Variants in JAKMIP2 observed in about 807,000 individuals in gnomAD.
The protein encoded by JAKMIP2 is janus kinase and microtubule-interacting protein 2.
JAKMIP2 carries 25 observed loss-of-function variants against 115.0 expected under a neutral mutation model. The ratio of observed to expected loss-of-function variants is 0.22; its 90% CI spans 0.16 to 0.30. JAKMIP2 has a LOEUF of 0.30. Among genes scored for constraint, JAKMIP2 ranks in the 10% least tolerant of loss-of-function variants. JAKMIP2 has a pLI of 1.00. For synonymous variants in JAKMIP2, 334 were observed against 343.6 expected, an observed-to-expected ratio of 0.97 and a Z score of 0.31; for missense variants, 642 against 957.6, an observed-to-expected ratio of 0.67 and a Z score of 4.35.
intron 2 of JAKMIP2, among the ~76,000 whole-genome samples, chr5:147,662,161 T>TACACACACAC (rs61492351): frequency 0.062 from 9,160 of 147,002 alleles, 939 homozygotes; most frequent in African/African-American, 0.21. Flanking sequence ...CCCCAAGTTT[T>TACACACACAC]ACACACACAC....
intron 2 of JAKMIP2, among the ~76,000 whole-genome samples, chr5:147,663,901 A>T (rs1012367610): frequency 6.6e-6 from 1 of 152,074 alleles, no homozygotes; most frequent in African/African-American, 2.4e-5. Context: ...TGCTTGTCCT[A>T]TGTGGCATCC....
chr5:147,653,613 C>T (rs1758523067), intron 3 of JAKMIP2, among the ~76,000 whole-genome samples: 1 of 151,734 alleles, frequency 6.6e-6, no homozygotes, highest in African/African-American at 2.4e-5. Flanking sequence ...GGATATTACA[C>T]CTTTGTCAGA....
intron 20 of JAKMIP2, among the ~76,000 whole-genome samples, chr5:147,604,487 T>C (rs1193125159): frequency 6.6e-6 from 1 of 152,132 alleles, no homozygotes; most frequent in African/African-American, 2.4e-5. Context: ...AGACCCACCC[T>C]ATATAAAAAT....
At chr5:147,750,334 G>A (rs890766696) in intron 1 of JAKMIP2, among the ~76,000 whole-genome samples, 1 of 152,052 alleles carries the variant, frequency 6.6e-6, no homozygotes, top group Non-Finnish European at 1.5e-5. Flanking sequence ...CTCATATGAC[G>A]CCTTTGTGTT....
intron 1 of JAKMIP2, among the ~76,000 whole-genome samples, chr5:147,689,529 G>C (rs949007494): frequency 6.6e-6 from 1 of 152,212 alleles, no homozygotes; most frequent in Non-Finnish European, 1.5e-5. Context: ...GATGCAAGCT[G>C]ATGGTAATCC....
Position 147,612,391 on chromosome 5 carries a change from G to A in JAKMIP2, c.2347-20C>T, listed in dbSNP as rs780439520. 3.4e-6 allele frequency: 5 copies of A among 1,469,296 alleles called. No homozygotes were observed. The East Asian group carries it at 1.1e-4, about 33-fold the overall frequency. The allele number at this position is 1,469,296 out of a possible 1,614,324, so 91.0% of individuals were successfully genotyped here. A position where few individuals can be genotyped will look rare whatever the true frequency, so the allele number is the denominator to read the frequency against. On this transcript the variant is annotated intron_variant, in intron 19 of 21. Transcript: ENST00000616793. ...AATTCTCTGAAGAAAGAAAAGAAAAGAAAGAAAGCATCAGTAGGTGGTAAG... is the reference window on the plus strand; with the variant it reads ...AATTCTCTGAAGAAAGAAAAGAAAAAAAAGAAAGCATCAGTAGGTGGTAAG...
intron 1 of JAKMIP2, among the ~76,000 whole-genome samples, chr5:147,746,367 G>C (rs1754346824): frequency 6.6e-6 from 1 of 152,126 alleles, no homozygotes; most frequent in African/African-American, 2.4e-5. Flanking sequence ...CGGGAATAGA[G>C]TTAACACAAA....
rs77451399 is a variant in JAKMIP2 at position 147,672,295 on chromosome 5, C to T, written c.-148-341G>A. Among the ~76,000 whole-genome samples the T allele has an allele frequency of 3.2e-3, 480 of 152,240 alleles. 24 individuals are homozygous for T. In the East Asian group the frequency reaches 0.078, roughly 25 times the overall value. On this transcript the variant is annotated intron_variant, in intron 1 of 21. Coordinates refer to ENST00000616793, the MANE Select transcript of JAKMIP2 (RefSeq NM_001270941.2). ...ATACTCCAAACATAAGGAACATGGT[C>T]GTTAAAGGAAGTCACCTATGTGATG...
At chr5:147,709,234 C>T (rs949357893) in intron 1 of JAKMIP2, among the ~76,000 whole-genome samples, 5 of 152,070 alleles carry the variant, frequency 3.3e-5, no homozygotes, top group African/African-American at 7.2e-5. Flanking sequence ...AGAATTGAGA[C>T]GATCTCAGTA....
intron 1 of JAKMIP2, among the ~76,000 whole-genome samples, chr5:147,719,370 G>A (rs1464522073): frequency 7.4e-6 from 1 of 135,510 alleles, no homozygotes; most frequent in Non-Finnish European, 1.5e-5. Flanking sequence ...AGGTCTGCTT[G>A]GTGCAGAGCT....
chr5:147,607,852 A>C (rs1489710308), intron 20 of JAKMIP2, among the ~76,000 whole-genome samples: 4 of 151,952 alleles, frequency 2.6e-5, no homozygotes, highest in African/African-American at 9.7e-5. Flanking sequence ...CTATTTCAGA[A>C]CTTCTTATTG....
chr5:147,761,851 T>G (rs1389107264), intron 1 of JAKMIP2, among the ~76,000 whole-genome samples: 1 of 152,116 alleles, frequency 6.6e-6, no homozygotes, highest in Non-Finnish European at 1.5e-5. Context: ...ATAAAAGTAA[T>G]TAAACATTTA....
At chr5:147,750,466 A>C (rs1398152043) in intron 1 of JAKMIP2, among the ~76,000 whole-genome samples, 1 of 151,850 alleles carries the variant, frequency 6.6e-6, no homozygotes, top group African/African-American at 2.4e-5. Flanking sequence ...TAAGAGCTGC[A>C]AGATTAAGAC....
intron 21 of JAKMIP2, chr5:147,594,336 T>TC (rs1339880242): frequency 2.7e-6 from 1 of 372,478 alleles, no homozygotes. Context: ...TGCTACAAAT[T>TC]CTTTTTTTTT....
chr5:147,641,793 C>G (rs753833998), intron 7 of JAKMIP2, 29 bp from the exon 8 acceptor site: 12 of 1,573,366 alleles, frequency 7.6e-6, no homozygotes, highest in African/African-American at 2.7e-5. Context: ...ATTTTCAGAT[C>G]CAGAATTGGT....
intron 1 of JAKMIP2, among the ~76,000 whole-genome samples, chr5:147,724,494 C>G (rs960176773): frequency 6.6e-6 from 1 of 152,300 alleles, no homozygotes; most frequent in Middle Eastern, 3.4e-3. Context: ...CAGCATTGGT[C>G]TAAGTGCCTT....
intron 3 of JAKMIP2, among the ~76,000 whole-genome samples, chr5:147,652,695 T>G (rs1003374837): frequency 1.3e-5 from 2 of 152,186 alleles, no homozygotes; most frequent in Non-Finnish European, 2.9e-5. Context: ...TTTTTAAAAT[T>G]TTAATGTTTA....
chr5:147,730,560 A>G (rs1241289614), intron 1 of JAKMIP2, among the ~76,000 whole-genome samples: 1 of 151,524 alleles, frequency 6.6e-6, no homozygotes, highest in Non-Finnish European at 1.5e-5. Context: ...GGTTCAAGTG[A>G]TTCTCCTGCC....
chr5:147,657,986 C>A (rs916325979), intron 3 of JAKMIP2, among the ~76,000 whole-genome samples: 1 of 152,022 alleles, frequency 6.6e-6, no homozygotes, highest in Non-Finnish European at 1.5e-5. Context: ...TATTTACTGA[C>A]CTTCTGAAGC....
Sources: gnomAD v4.1 joint callset for allele counts (sites outside exome capture counted in the v4.1 genomes callset) on GRCh38, gnomAD v4.1.1 for gene constraint, MANE v1.5 for transcripts, NCBI Gene and HGNC (gene_info 2026-07-23, HGNC 2026-07-21) for gene names.